GRM5: variants seen among roughly 807,000 people sequenced by gnomAD.
GRM5 encodes the protein glutamate metabotropic receptor 5, also known as metabotropic glutamate receptor 5.
A neutral mutation model predicts 83.1 loss-of-function variants in GRM5; 19 were observed. The observed-to-expected ratio is 0.23, with a 90% CI of 0.16 to 0.34. The LOEUF is 0.34. GRM5 is among the 10% of genes least tolerant of loss of function. The probability of loss-of-function intolerance (pLI) is 1.00; values close to 1 mark genes in which losing one functional copy is unlikely to be tolerated. For synonymous variants in GRM5, 675 were observed against 633.6 expected (o/e 1.07, Z -0.98); for missense variants, 1,160 against 1,588.3 (o/e 0.73, Z 4.58).
At chr11:88,632,075 C>T (rs1396876306) in intron 4 of GRM5, among the ~76,000 whole-genome samples, 1 of 151,990 alleles carries the variant, frequency 6.6e-6, no homozygotes, top group Non-Finnish European at 1.5e-5. Flanking sequence ...CATGAAACCA[C>T]ACAAAAGTCA....
At chr11:89,063,082 A>G (rs910520099) in intron 1 of GRM5, among the ~76,000 whole-genome samples, 7 of 152,186 alleles carry the variant, frequency 4.6e-5, no homozygotes, top group African/African-American at 1.7e-4. Context: ...CCCCTAACAG[A>G]TCTATTGAAA....
intron 5 of GRM5, among the ~76,000 whole-genome samples, chr11:88,600,834 C>T (rs1565355531): frequency 6.6e-6 from 1 of 152,076 alleles, no homozygotes; most frequent in Non-Finnish European, 1.5e-5. Flanking sequence ...TCTATAATTC[C>T]GATGCTAAGG....
intron 3 of GRM5, among the ~76,000 whole-genome samples, chr11:88,742,436 A>G (rs1942048783): frequency 6.6e-6 from 1 of 152,140 alleles, no homozygotes; most frequent in African/African-American, 2.4e-5. Context: ...GCTAGAGATG[A>G]TAACACTAGG....
At chr11:88,520,497 T>C (rs1278613313) in intron 9 of GRM5, among the ~76,000 whole-genome samples, 1 of 152,192 alleles carries the variant, frequency 6.6e-6, no homozygotes, top group Non-Finnish European at 1.5e-5. Flanking sequence ...AACTATAGCA[T>C]GTGGTAAGAA....
chr11:88,835,967 A>G (rs1321107431), intron 3 of GRM5, among the ~76,000 whole-genome samples: 1 of 152,042 alleles, frequency 6.6e-6, no homozygotes, highest in Non-Finnish European at 1.5e-5. Context: ...TCAAGCCTGT[A>G]CCCTCAACTC....
intron 3 of GRM5, among the ~76,000 whole-genome samples, chr11:88,818,661 GTCAT>G (rs760316315): frequency 4.6e-5 from 7 of 152,126 alleles, no homozygotes; most frequent in South Asian, 4.1e-4. Flanking sequence ...ATTCATGCCT[GTCAT>G]TCAAATTATT....
chr11:88,902,837 G>C (rs1565284837), intron 2 of GRM5, among the ~76,000 whole-genome samples: 1 of 150,802 alleles, frequency 6.6e-6, no homozygotes, highest in Non-Finnish European at 1.5e-5. Context: ...TGTGGTACCA[G>C]CTACTAGGGA....
chr11:88,933,355 T>G (rs995275272), intron 2 of GRM5, among the ~76,000 whole-genome samples: 2 of 151,722 alleles, frequency 1.3e-5, no homozygotes, highest in African/African-American at 4.8e-5. Context: ...GGAGTTCCTC[T>G]ATTGGTGAAA....
At chr11:88,966,656 A>G (rs1216993529) in intron 2 of GRM5, among the ~76,000 whole-genome samples, 1 of 152,140 alleles carries the variant, frequency 6.6e-6, no homozygotes, top group Admixed American at 6.5e-5. Context: ...AGGCCACTGG[A>G]TCATGAAGAA....
At chr11:88,582,889 G>A (rs1397471309) in intron 7 of GRM5, among the ~76,000 whole-genome samples, 2 of 152,064 alleles carry the variant, frequency 1.3e-5, no homozygotes, top group Non-Finnish European at 1.5e-5. Flanking sequence ...GAGACAGGTA[G>A]TATAGCATAA....
intron 2 of GRM5, among the ~76,000 whole-genome samples, chr11:88,962,761 G>C (rs926567044): frequency 5.3e-5 from 8 of 152,102 alleles, no homozygotes; most frequent in Admixed American, 3.9e-4. Context: ...AGGCAAAGGA[G>C]AAAATATCTT....
At chr11:88,569,003 C>A (rs1401250829) in intron 7 of GRM5, among the ~76,000 whole-genome samples, 1 of 152,150 alleles carries the variant, frequency 6.6e-6, no homozygotes, top group Admixed American at 6.6e-5. Flanking sequence ...CAGAATATAG[C>A]ATCATTTGGA....
intron 3 of GRM5, among the ~76,000 whole-genome samples, chr11:88,783,785 G>A (rs1430374041): frequency 2.6e-5 from 4 of 151,992 alleles, no homozygotes; most frequent in Non-Finnish European, 5.9e-5. Flanking sequence ...AAACATCTTA[G>A]CATTAGTTCT....
At chr11:88,668,695 C>T (rs1034932519) in intron 3 of GRM5, among the ~76,000 whole-genome samples, 7 of 152,242 alleles carry the variant, frequency 4.6e-5, no homozygotes, top group African/African-American at 1.4e-4. Context: ...AAATTTTTCA[C>T]TGTACAGTAC....
chr11:88,701,196 C>G (rs948300927), intron 3 of GRM5, among the ~76,000 whole-genome samples: 1 of 152,136 alleles, frequency 6.6e-6, no homozygotes, highest in Non-Finnish European at 1.5e-5. Context: ...GGAAAGAAAC[C>G]ACCATCTTGT....
intron 3 of GRM5, among the ~76,000 whole-genome samples, chr11:88,668,941 C>T (rs937823187): frequency 2.6e-5 from 4 of 152,126 alleles, no homozygotes; most frequent in African/African-American, 4.8e-5. Flanking sequence ...TTTCACTTAG[C>T]ATAATGTTCT....
At chr11:88,854,077 T>TATATATATATATATATATATAC (rs927592084) in intron 2 of GRM5, among the ~76,000 whole-genome samples, 19 of 149,356 alleles carry the variant, frequency 1.3e-4, no homozygotes, top group East Asian at 7.9e-4. Context: ...TATATATATA[T>TATATATATATATATATATATAC]ACACAATGAA....
intron 2 of GRM5, among the ~76,000 whole-genome samples, chr11:88,928,902 G>GTATA (rs149267365): frequency 0.071 from 4,276 of 60,232 alleles, 167 homozygotes; most frequent in African/African-American, 0.11. Flanking sequence ...ATGTGTATGT[G>GTATA]TATATACACA....
intron 3 of GRM5, among the ~76,000 whole-genome samples, chr11:88,765,025 GA>G (rs1370558238): frequency 6.6e-6 from 1 of 151,334 alleles, no homozygotes; most frequent in East Asian, 1.9e-4. Flanking sequence ...GAGACATGAT[GA>G]AAAATTCTAG....
Sources: allele counts gnomAD v4.1 joint callset (sites outside exome capture counted in the v4.1 genomes callset), GRCh38; gene constraint gnomAD v4.1.1; transcripts MANE v1.5; gene names NCBI Gene and HGNC (gene_info 2026-07-23, HGNC 2026-07-21).